The following CPEB2 variants were observed in gnomAD, a reference collection of about 807,000 sequenced individuals.
CPEB2 encodes the protein cytoplasmic polyadenylation element-binding protein 2.
A neutral mutation model predicts 93.6 loss-of-function variants in CPEB2; 56 were observed. The ratio of observed to expected loss-of-function variants is 0.60; its 90% CI spans 0.48 to 0.75. The LOEUF (loss-of-function observed/expected upper bound fraction) is 0.75, where lower values mean the gene tolerates loss of function less well. Among genes scored for constraint, CPEB2 ranks in the 30% least tolerant of loss-of-function variants. The probability of loss-of-function intolerance (pLI) is 0.00; values close to 1 mark genes in which losing one functional copy is unlikely to be tolerated. For synonymous variants in CPEB2, 764 were observed against 586.3 expected (o/e 1.30, Z -4.38); for missense variants, 1,579 against 1,395.1 (o/e 1.13, Z -2.10).
At position 15,026,238 on chromosome 4, in the gene CPEB2, G is replaced by GTTTTTT. The variant is rs927341513; in HGVS notation, c.2126-6922_2126-6917dup. ...ATTGTTTGTTTTTGTTTTTGTTTTT[G>GTTTTTT]TTTTTTGAGATGGAGTCTTGCTCTG... On this transcript the variant is annotated intron_variant, in intron 4 of 11. Coordinates refer to ENST00000538197, the MANE Select transcript of CPEB2 (RefSeq NM_001177382.2). Among the ~76,000 whole-genome samples, 148 of 150,566 alleles carry GTTTTTT rather than the reference G, an allele frequency of 9.8e-4. 29 individuals are homozygous for GTTTTTT. The highest frequency in any genetic ancestry group is 3.4e-3 in the African/African-American group (138 of 41,118).
At chr4:15,010,001 C>T (rs909185654) in intron 3 of CPEB2, among the ~76,000 whole-genome samples, 7 of 152,154 alleles carry the variant, frequency 4.6e-5, no homozygotes, top group African/African-American at 1.7e-4. Context: ...TAAAGATAAA[C>T]TTATCTGGTA....
intron 1 of CPEB2, chr4:15,006,571 C>G (rs994224887): frequency 2.6e-5 from 4 of 152,104 alleles, no homozygotes; most frequent in Admixed American, 6.6e-5. Flanking sequence ...ATCAAGATCT[C>G]TAGTGGAATA....
chr4:15,003,172 A>C lies in CPEB2; in HGVS notation c.499A>C (p.Ser167Arg). 6.5e-7 allele frequency: 1 copy of C among 1,532,946 alleles called. No homozygotes were observed. The highest frequency in any genetic ancestry group is 8.7e-7 in the Non-Finnish European group (1 of 1,145,806). The allele number at this position is 1,532,946 out of a possible 1,614,324, so 95.0% of individuals were successfully genotyped here. Residue 167 changes from serine to arginine, a missense_variant, in exon 1 of 12, where the codon AGT (serine) becomes CGT (arginine). Ser to Arg is a moderately radical substitution (Grantham distance 110, BLOSUM62 -1). This residue lies in a region of CPEB2 where 1,411 missense variants were observed against 1,056.0 expected (regional missense o/e 1.34). Transcript: ENST00000538197. The stretch of plus-strand genomic sequence containing the variant: ...CCGCACCTCCTCCCCGCAGGACTTC[A>C]GTAAGCGGCAGCAGCAGCAGCTGAG... ...CCRTSSPQDF[S>R]KRQQQQLSSQ...
At chr4:15,038,168 C>G (rs886407150) in intron 5 of CPEB2, among the ~76,000 whole-genome samples, 1 of 152,142 alleles carries the variant, frequency 6.6e-6, no homozygotes, top group Non-Finnish European at 1.5e-5. Flanking sequence ...TAAAATTCCT[C>G]AGGTATGAGA....
At chr4:15,027,436 T>C (rs939973530) in intron 4 of CPEB2, among the ~76,000 whole-genome samples, 9 of 152,220 alleles carry the variant, frequency 5.9e-5, no homozygotes, top group African/African-American at 1.2e-4. Flanking sequence ...ATGATCTTAT[T>C]CTTAGGCTTT....
rs1168770779 is a variant in CPEB2, at chr4:15,003,985, A to G, written c.1312A>G (p.Met438Val). Residue 438 changes from methionine (M) to valine (V), a missense_variant, in exon 1 of 12, where the codon ATG becomes GTG. By Grantham distance (21) the Met-to-Val change is conservative. This residue lies in a region of CPEB2 where 1,411 missense variants were observed against 1,056.0 expected (regional missense o/e 1.34). Coordinates refer to ENST00000538197, the MANE Select transcript of CPEB2 (RefSeq NM_001177382.2). ...GGGSGGSLSAMPPPSPDSENG... is the reference protein window; with the variant it reads ...GGGSGGSLSAVPPPSPDSENG... ...CGGCAGCGGCGGCTCGCTCAGCGCC[A>G]TGCCGCCGCCCAGCCCCGACTCAGA... The G allele has an allele frequency of 3.4e-6, 5 of 1,474,268 alleles. No homozygotes were observed. Among genetic ancestry groups the G allele is most frequent in the South Asian group, 1.3e-5 (1 of 74,712 alleles). 91.3% of individuals were successfully genotyped at this position (1,474,268 alleles called of 1,614,324 possible). A position where few individuals can be genotyped will look rare whatever the true frequency, so the allele number is the denominator to read the frequency against.
intron 3 of CPEB2, among the ~76,000 whole-genome samples, chr4:15,012,635 A>G (rs1182803083): frequency 1.3e-5 from 2 of 152,128 alleles, no homozygotes; most frequent in African/African-American, 4.8e-5. Context: ...GTGTGATAAC[A>G]TTGTGTAACA....
chr4:15,037,226 C>T (rs1246972696), intron 5 of CPEB2, among the ~76,000 whole-genome samples: 1 of 151,366 alleles, frequency 6.6e-6, no homozygotes, highest in East Asian at 2.0e-4. Context: ...GGCGTGAACC[C>T]CGGGAGTTGG....
At chr4:15,049,017 A>G (rs1371384797) in intron 6 of CPEB2, among the ~76,000 whole-genome samples, 1 of 152,044 alleles carries the variant, frequency 6.6e-6, no homozygotes, top group East Asian at 1.9e-4. Flanking sequence ...TGGCTTCTTG[A>G]AAAAAAGCAG....
intron 4 of CPEB2, among the ~76,000 whole-genome samples, chr4:15,024,251 C>T (rs1725172571): frequency 6.6e-6 from 1 of 152,024 alleles, no homozygotes; most frequent in African/African-American, 2.4e-5. Flanking sequence ...TCCTAATCCC[C>T]ATGTCCTTTC....
chr4:15,058,061 C>T (rs542020559), intron 8 of CPEB2, among the ~76,000 whole-genome samples: 3 of 152,256 alleles, frequency 2.0e-5, no homozygotes, highest in Non-Finnish European at 4.4e-5. Flanking sequence ...GGGCTGACCT[C>T]GGTTTGAAAT....
intron 7 of CPEB2, among the ~76,000 whole-genome samples, chr4:15,053,257 C>A (rs1442713318): frequency 6.6e-6 from 1 of 152,020 alleles, no homozygotes; most frequent in Admixed American, 6.6e-5. Flanking sequence ...ACCTCATGAT[C>A]CGCCCACTTT....
chr4:15,061,046 G>A (rs1481298603), intron 10 of CPEB2, among the ~76,000 whole-genome samples: 2 of 152,118 alleles, frequency 1.3e-5, no homozygotes, highest in Non-Finnish European at 2.9e-5. Context: ...AAACTCATTG[G>A]AGCAGGTTTA....
chr4:15,025,055 A>G (rs1487603180), intron 4 of CPEB2, among the ~76,000 whole-genome samples: 2 of 152,004 alleles, frequency 1.3e-5, no homozygotes, highest in Non-Finnish European at 2.9e-5. Flanking sequence ...CCCATTTTTT[A>G]ATATTACCTC....
At chr4:15,014,626 T>C (rs1723884447) in intron 3 of CPEB2, among the ~76,000 whole-genome samples, 2 of 152,056 alleles carry the variant, frequency 1.3e-5, no homozygotes, top group South Asian at 4.1e-4. Flanking sequence ...CCTTTACCAT[T>C]ACTATTTAAA....
At chr4:15,022,521 C>T (rs2109003545) in intron 4 of CPEB2, among the ~76,000 whole-genome samples, 1 of 151,998 alleles carries the variant, frequency 6.6e-6, no homozygotes, top group African/African-American at 2.4e-5. Context: ...TATATGCATT[C>T]AGTTTTAAAT....
intron 4 of CPEB2, 73 bp from the exon 5 acceptor site, chr4:15,033,088 T>C: frequency 9.7e-7 from 1 of 1,031,450 alleles, no homozygotes; most frequent in South Asian, 1.4e-5. Context: ...TTTGTTGTTG[T>C]TTTTTGTTTT....
intron 6 of CPEB2, 39 bp from the exon 7 acceptor site, chr4:15,052,375 C>G (rs745341278): frequency 2.2e-5 from 28 of 1,284,356 alleles, no homozygotes; most frequent in Non-Finnish European, 2.8e-5. Context: ...ATCATTTTCT[C>G]AGATCTGAGA....
chr4:15,006,174 C>T (rs1362603421), intron 1 of CPEB2, among the ~76,000 whole-genome samples: 1 of 152,036 alleles, frequency 6.6e-6, no homozygotes, highest in Non-Finnish European at 1.5e-5. Flanking sequence ...TGCTTTGGAC[C>T]TCTGTGGAAG....
Sources: gnomAD v4.1 joint callset for allele counts (sites outside exome capture counted in the v4.1 genomes callset) on GRCh38, gnomAD v4.1.1 for gene constraint, gnomAD v4.1.1 regional missense constraint, MANE v1.5 for transcripts, NCBI Gene and HGNC (gene_info 2026-07-23, HGNC 2026-07-21) for gene names.